The following PAK5 variants were observed in gnomAD, a reference collection of about 807,000 sequenced individuals.
PAK5 encodes the protein p21 (RAC1) activated kinase 5.
A neutral mutation model predicts 65.9 loss-of-function variants in PAK5; 16 were observed. The ratio of observed to expected loss-of-function variants is 0.24; its 90% CI spans 0.16 to 0.37. The LOEUF (loss-of-function observed/expected upper bound fraction) is 0.37, where lower values mean the gene tolerates loss of function less well. Ranked by LOEUF, PAK5 falls within the 10% of genes least tolerant of loss-of-function variation. The pLI, the probability that PAK5 is intolerant of heterozygous loss-of-function variation, is 1.00. For missense variants in PAK5, 785 were observed against 903.9 expected, an observed-to-expected ratio of 0.87 and a Z score of 1.69; for synonymous variants, 371 against 354.9, an observed-to-expected ratio of 1.05 and a Z score of -0.51.
chr20:9,790,855 A>G (rs1407891380), intron 1 of PAK5, among the ~76,000 whole-genome samples: 1 of 152,066 alleles, frequency 6.6e-6, no homozygotes, highest in East Asian at 1.9e-4. Context: ...GGGGAAAGGT[A>G]CTAGGCATTT....
At chr20:9,664,241 G>A (rs1017339085) in intron 2 of PAK5, among the ~76,000 whole-genome samples, 1 of 152,142 alleles carries the variant, frequency 6.6e-6, no homozygotes, top group African/African-American at 2.4e-5. Context: ...CAAGAGTGTA[G>A]AGCTTTAATG....
chr20:9,751,509 G>A (rs774050409), intron 1 of PAK5, among the ~76,000 whole-genome samples: 32 of 152,158 alleles, frequency 2.1e-4, no homozygotes, highest in Non-Finnish European at 3.8e-4. Flanking sequence ...TCTCTCTGAA[G>A]CATGAATAAA....
intron 3 of PAK5, among the ~76,000 whole-genome samples, chr20:9,584,648 A>C (rs1334119625): frequency 1.3e-5 from 2 of 152,222 alleles, no homozygotes; most frequent in East Asian, 3.8e-4. Flanking sequence ...GGTGGCCTTC[A>C]AGCCCTCTTA....
At chr20:9,562,424 C>T (rs1781383189) in intron 6 of PAK5, among the ~76,000 whole-genome samples, 1 of 152,168 alleles carries the variant, frequency 6.6e-6, no homozygotes, top group Non-Finnish European at 1.5e-5. Flanking sequence ...TACTTGCAAG[C>T]ATATTTTAAA....
chr20:9,657,925 G>A (rs1047641397), intron 2 of PAK5, among the ~76,000 whole-genome samples: 3 of 152,192 alleles, frequency 2.0e-5, no homozygotes, highest in African/African-American at 4.8e-5. Context: ...ACATCGTCTA[G>A]ATAGTCCCAG....
chr20:9,645,103 TATTA>T (rs1194251964), intron 2 of PAK5, among the ~76,000 whole-genome samples: 4 of 152,306 alleles, frequency 2.6e-5, no homozygotes, highest in African/African-American at 9.6e-5. Context: ...TTACTTCAAG[TATTA>T]ATTATACACC....
intron 3 of PAK5, among the ~76,000 whole-genome samples, chr20:9,595,126 G>T (rs9917475): frequency 0.93 from 140,286 of 150,226 alleles, 65,485 homozygotes; most frequent in East Asian, 1. Flanking sequence ...CATATATATA[G>T]AGAGAGAGAG....
intron 3 of PAK5, among the ~76,000 whole-genome samples, chr20:9,593,519 G>A (rs1289206310): frequency 6.6e-6 from 1 of 152,006 alleles, no homozygotes; most frequent in Non-Finnish European, 1.5e-5. Flanking sequence ...GTTACATCTA[G>A]GTTTTAAGCC....
chr20:9,754,127 T>C (rs1270521710), intron 1 of PAK5, among the ~76,000 whole-genome samples: 1 of 152,188 alleles, frequency 6.6e-6, no homozygotes, highest in East Asian at 1.9e-4. Flanking sequence ...ATAGTTAGCA[T>C]CAGTTTTTAC....
At chr20:9,556,555 G>C (rs1344665457) in intron 7 of PAK5, among the ~76,000 whole-genome samples, 1 of 152,192 alleles carries the variant, frequency 6.6e-6, no homozygotes, top group East Asian at 1.9e-4. Flanking sequence ...CATTGCCTCT[G>C]GTGGGAGTTT....
intron 1 of PAK5, among the ~76,000 whole-genome samples, chr20:9,770,024 G>A (rs1460455214): frequency 6.6e-6 from 1 of 152,188 alleles, no homozygotes; most frequent in Non-Finnish European, 1.5e-5. Flanking sequence ...GGTAGCTGGA[G>A]AGGCCTAGAG....
intron 1 of PAK5, among the ~76,000 whole-genome samples, chr20:9,798,868 C>T (rs189772977): frequency 1.2e-3 from 186 of 152,110 alleles, no homozygotes; most frequent in African/African-American, 4.0e-3. Context: ...TTCTTGGGCC[C>T]CACCCCAGAT....
chr20:9,612,349 A>G (rs2123149624), intron 3 of PAK5, among the ~76,000 whole-genome samples: 1 of 152,240 alleles, frequency 6.6e-6, no homozygotes, highest in East Asian at 1.9e-4. Context: ...AACACCTGAG[A>G]CTGGGTAATT....
chr20:9,560,463 G>A lies in PAK5; in HGVS notation c.1616+2428C>T, dbSNP rs118092877. On this transcript the variant is annotated intron_variant, in intron 6 of 9. Coordinates refer to ENST00000353224, the MANE Select transcript of PAK5 (RefSeq NM_177990.4). ...CAGCCTTGAACTTCTGGGCTCAAGT[G>A]ATCCTCCTGTCTTAGCCTCTCGAGT... Among the ~76,000 whole-genome samples, 1,518 of 152,274 alleles carry A rather than the reference G, an allele frequency of 1.0e-2. 16 individuals are homozygous for A. The highest frequency in any genetic ancestry group is 0.015 in the Non-Finnish European group (1,028 of 68,018).
chr20:9,665,083 C>CTTTTTTTTTTTTTTTTT (rs1555910631), intron 2 of PAK5, among the ~76,000 whole-genome samples: 3 of 42,588 alleles, frequency 7.0e-5, no homozygotes, highest in African/African-American at 2.2e-4. Flanking sequence ...CTAAATTTTT[C>CTTTTTTTTTTTTTTTTT]TGTTTTTTTT....
At chr20:9,732,729 T>C (rs575065521) in intron 1 of PAK5, among the ~76,000 whole-genome samples, 1 of 152,322 alleles carries the variant, frequency 6.6e-6, no homozygotes, top group South Asian at 2.1e-4. Context: ...TGTCAATATC[T>C]GTCTCCTGTT....
intron 2 of PAK5, among the ~76,000 whole-genome samples, chr20:9,709,744 C>T (rs1458654859): frequency 6.6e-6 from 1 of 152,182 alleles, no homozygotes; most frequent in Non-Finnish European, 1.5e-5. Context: ...CTGCACTTTG[C>T]TGAGATCTTA....
chr20:9,768,455 T>C (rs923718565), intron 1 of PAK5, among the ~76,000 whole-genome samples: 5 of 139,472 alleles, frequency 3.6e-5, no homozygotes, highest in African/African-American at 1.5e-4. Flanking sequence ...ACCCCCTGTA[T>C]CTATAATAAA....
intron 1 of PAK5, among the ~76,000 whole-genome samples, chr20:9,763,597 C>T (rs954731117): frequency 6.6e-6 from 1 of 151,950 alleles, no homozygotes; most frequent in Non-Finnish European, 1.5e-5. Flanking sequence ...GCAGATTAAG[C>T]AACAGAATGA....
Sources: allele counts gnomAD v4.1 joint callset (sites outside exome capture counted in the v4.1 genomes callset), GRCh38; gene constraint gnomAD v4.1.1; transcripts MANE v1.5; gene names NCBI Gene and HGNC (gene_info 2026-07-23, HGNC 2026-07-21).